MCM9: variants seen among roughly 807,000 people sequenced by gnomAD.
MCM9 encodes the protein DNA helicase MCM9.
Under a neutral mutation model 72.8 loss-of-function variants are expected in MCM9, and 55 were observed. The observed-to-expected ratio is 0.76, with a 90% confidence interval of 0.61 to 0.95. The LOEUF (loss-of-function observed/expected upper bound fraction) is 0.95. Ranked by LOEUF, MCM9 falls within the 40% of genes least tolerant of loss-of-function variation. MCM9 has a pLI of 0.00. For synonymous variants in MCM9, 480 were observed against 503.4 expected, an observed-to-expected ratio of 0.95 and a Z score of 0.62; for missense variants, 1,279 against 1,377.0, an observed-to-expected ratio of 0.93 and a Z score of 1.13.
At chr6:118,846,265 CAAAG>C (rs1775857110) in intron 9 of MCM9, among the ~76,000 whole-genome samples, 1 of 151,574 alleles carries the variant, frequency 6.6e-6, no homozygotes, top group Admixed American at 6.6e-5. Context: ...TAAAAACTAA[CAAAG>C]AAAGTGGAAG....
chr6:118,911,396 AG>A (rs1405991706), intron 8 of MCM9: 16 of 1,195,932 alleles, frequency 1.3e-5, no homozygotes, highest in Admixed American at 1.3e-4. Flanking sequence ...CCTGCATAAA[AG>A]TATGAAGGTA....
chr6:118,916,618 C>G (rs941778343), intron 6 of MCM9, among the ~76,000 whole-genome samples: 4 of 151,230 alleles, frequency 2.6e-5, no homozygotes, highest in Non-Finnish European at 5.9e-5. Flanking sequence ...GCCACCACAC[C>G]TGGCTAATTT....
chr6:118,857,626 C>CAAAAAAA (rs1203197065), intron 8 of MCM9, among the ~76,000 whole-genome samples: 4 of 70,964 alleles, frequency 5.6e-5, no homozygotes, highest in African/African-American at 1.1e-4. Flanking sequence ...CCAGACTGAC[C>CAAAAAAA]AAAAAAAAAA....
intron 8 of MCM9, among the ~76,000 whole-genome samples, chr6:118,877,279 C>G (rs193059380): frequency 3.9e-5 from 6 of 152,298 alleles, no homozygotes; most frequent in African/African-American, 1.4e-4. Flanking sequence ...AATTGCAGAT[C>G]TGTAAACAAA....
At chr6:118,934,458 C>A (rs1450952310) in intron 1 of MCM9, 1 of 152,030 alleles carries the variant, frequency 6.6e-6, no homozygotes. Flanking sequence ...CTGGCATCCC[C>A]CAGCTGTCTC....
At chr6:118,841,352 T>G (rs1295902600) in intron 9 of MCM9, among the ~76,000 whole-genome samples, 1 of 152,126 alleles carries the variant, frequency 6.6e-6, no homozygotes, top group Non-Finnish European at 1.5e-5. Context: ...CAGAAGGACT[T>G]TCCCTCTTCT....
In MCM9 at chr6:118,815,034, A is replaced by AG; in HGVS notation, c.3221dup (p.Pro1075SerfsTer3). 1 of 1,550,154 alleles carries AG rather than the reference A, an allele frequency of 6.5e-7. No homozygotes were observed. The highest frequency in any genetic ancestry group is 1.4e-5 in the African/African-American group (1 of 73,050). On this transcript the variant is annotated frameshift_variant, in exon 14 of 14. Transcript: ENST00000619706. LOFTEE classifies it low-confidence loss of function (END_TRUNC). ...CACCTCGGTTCTTCCTTTCAGGAGGAGGGGATTTTGATTTGGATTCCGATG... is the reference window on the plus strand; with the variant it reads ...CACCTCGGTTCTTCCTTTCAGGAGGAGGGGGATTTTGATTTGGATTCCGATG...
chr6:118,839,879 C>T (rs531065113), intron 9 of MCM9, among the ~76,000 whole-genome samples: 1 of 152,252 alleles, frequency 6.6e-6, no homozygotes, highest in South Asian at 2.1e-4. Flanking sequence ...GGAGGTGTCT[C>T]CCAGTCAGGA....
At chr6:118,901,207 A>C (rs797001973) in intron 8 of MCM9, among the ~76,000 whole-genome samples, 11 of 152,328 alleles carry the variant, frequency 7.2e-5, no homozygotes, top group African/African-American at 2.4e-4. Flanking sequence ...TCAGACTTCC[A>C]AGGTGGCTGT....
chr6:118,924,386 G>C (rs1403149407), intron 3 of MCM9, among the ~76,000 whole-genome samples: 9 of 152,044 alleles, frequency 5.9e-5, no homozygotes, highest in Non-Finnish European at 1.5e-5. Context: ...CAAATAGCTA[G>C]AAGTTATAAT....
At chr6:118,820,571 T>C (rs1156467728) in intron 13 of MCM9, among the ~76,000 whole-genome samples, 1 of 152,228 alleles carries the variant, frequency 6.6e-6, no homozygotes, top group East Asian at 1.9e-4. Context: ...ATAAGTGCTA[T>C]GTGGTGCTGA....
chr6:118,828,243 G>T (rs1031162578), intron 10 of MCM9, 113 bp from the exon 11 acceptor site: 1 of 861,628 alleles, frequency 1.2e-6, no homozygotes. Context: ...TTCATGTTTT[G>T]TGGTTATTGA....
rs1212016912 is a variant in MCM9 at position 118,815,127 on chromosome 6, G to A, written c.3129C>T (p.Gly1043=). ...CEGDKKEEVS[G]SNKSGKVHAC... is the part of the protein sequence containing the mutation. ...CATGAACCTTGCCGCTTTTATTACT[G>A]CCTGAAACCTCTTCCTTTTTGTCTC... Residue 1043 remains glycine, a synonymous_variant, in exon 14 of 14, where the codon GGC becomes GGT. Transcript: ENST00000619706. The A allele has an allele frequency of 6.4e-7, 1 of 1,550,454 alleles. No individual in the cohort carries two copies. Among genetic ancestry groups the A allele is most frequent in the Non-Finnish European group, 8.7e-7 (1 of 1,147,004 alleles).
rs537909494 is a variant in MCM9 at position 118,861,875 on chromosome 6, A to G, written c.1151-5330T>C. ...ACCAGTGACCCACCCCTTCCTGCCTAGGAATGAATCTGCCTGCTTCCTGCC... is the reference window on the plus strand; with the variant it reads ...ACCAGTGACCCACCCCTTCCTGCCTGGGAATGAATCTGCCTGCTTCCTGCC... On this transcript the variant is annotated intron_variant, in intron 8 of 13. Coordinates refer to ENST00000619706, the MANE Select transcript of MCM9 (RefSeq NM_017696.3). Among the ~76,000 whole-genome samples, 7 of 152,280 alleles carry G rather than the reference A, an allele frequency of 4.6e-5. No homozygotes were observed. In the East Asian group the frequency reaches 1.4e-3, roughly 29 times the overall value.
intron 8 of MCM9, among the ~76,000 whole-genome samples, chr6:118,902,730 G>A (rs1273754163): frequency 6.6e-6 from 1 of 152,090 alleles, no homozygotes; most frequent in African/African-American, 2.4e-5. Flanking sequence ...CAGTGTACAT[G>A]TTGCCAAAAA....
At chr6:118,921,236 G>A (rs1781401903) in intron 5 of MCM9, 1 of 152,080 alleles carries the variant, frequency 6.6e-6, no homozygotes, top group Non-Finnish European at 1.5e-5. Context: ...CACCATCTAA[G>A]GCCCATGTTA....
intron 8 of MCM9, among the ~76,000 whole-genome samples, chr6:118,866,650 G>T (rs1168349144): frequency 6.6e-6 from 1 of 152,066 alleles, no homozygotes; most frequent in Non-Finnish European, 1.5e-5. Context: ...GGAGAAAAAA[G>T]AAAAGAAAAA....
chr6:118,820,328 T>C (rs1345187500), intron 13 of MCM9, among the ~76,000 whole-genome samples: 1 of 152,196 alleles, frequency 6.6e-6, no homozygotes, highest in Non-Finnish European at 1.5e-5. Context: ...TTTGTCTTTG[T>C]TTTCATTGGT....
At chr6:118,843,670 G>GTGTGTATATATATGTATGTATATA (rs1562407108) in intron 9 of MCM9, among the ~76,000 whole-genome samples, 1 of 17,144 alleles carries the variant, frequency 5.8e-5, no homozygotes, top group Non-Finnish European at 1.2e-4. Context: ...ATATATATAT[G>GTGTGTATATATATGTATGTATATA]TATGTATATA....
Sources: allele counts gnomAD v4.1 joint callset (sites outside exome capture counted in the v4.1 genomes callset), GRCh38; gene constraint gnomAD v4.1.1; transcripts MANE v1.5; gene names NCBI Gene and HGNC (gene_info 2026-07-23, HGNC 2026-07-21).